TAFA4: variants seen among roughly 807,000 people sequenced by gnomAD.
The protein encoded by TAFA4 is chemokine-like protein TAFA-4.
Under a neutral mutation model 21.1 loss-of-function variants are expected in TAFA4, and 20 were observed. That is an observed-to-expected ratio of 0.95 (90% CI 0.67 to 1.38). The LOEUF (loss-of-function observed/expected upper bound fraction) is 1.38. TAFA4 is among the 40% of genes most tolerant of loss of function. The pLI is 0.00. For missense variants in TAFA4, 211 were observed against 180.9 expected (o/e 1.17, Z -0.95); for synonymous variants, 71 against 67.4 (o/e 1.05, Z -0.26).
intron 3 of TAFA4, among the ~76,000 whole-genome samples, chr3:68,777,621 G>A (rs1047933729): frequency 6.6e-6 from 1 of 151,904 alleles, no homozygotes; most frequent in Non-Finnish European, 1.5e-5. Context: ...TGGGAAAATA[G>A]AATCATAAAA....
chr3:68,805,705 AC>A (rs1288646893), intron 3 of TAFA4, among the ~76,000 whole-genome samples: 3 of 152,112 alleles, frequency 2.0e-5, no homozygotes, highest in Admixed American at 2.0e-4. Context: ...TATCACAAGG[AC>A]AAAAAACCAA....
At chr3:68,797,082 A>C (rs984718697) in intron 3 of TAFA4, among the ~76,000 whole-genome samples, 1 of 152,226 alleles carries the variant, frequency 6.6e-6, no homozygotes, top group Non-Finnish European at 1.5e-5. Context: ...TGTAGAAAAC[A>C]ATACGGCATT....
At chr3:68,786,208 G>A (rs563399552) in intron 3 of TAFA4, among the ~76,000 whole-genome samples, 27 of 152,224 alleles carry the variant, frequency 1.8e-4, no homozygotes, top group South Asian at 6.2e-4. Context: ...CAGGGCACAC[G>A]TTTATCTATA....
intron 3 of TAFA4, among the ~76,000 whole-genome samples, chr3:68,809,481 G>C (rs1275436132): frequency 6.7e-6 from 1 of 149,912 alleles, no homozygotes; most frequent in South Asian, 2.1e-4. Context: ...ATTTTAAATA[G>C]TGAAATCTAA....
intron 1 of TAFA4, among the ~76,000 whole-genome samples, chr3:68,890,740 C>T (rs918783492): frequency 6.6e-6 from 1 of 152,172 alleles, no homozygotes; most frequent in Non-Finnish European, 1.5e-5. Context: ...CCAAAAAATA[C>T]CAGTCCCTTT....
At chr3:68,807,127 A>T (rs1244809169) in intron 3 of TAFA4, among the ~76,000 whole-genome samples, 2 of 152,184 alleles carry the variant, frequency 1.3e-5, no homozygotes, top group South Asian at 2.1e-4. Context: ...GCCTCAGCTG[A>T]TCGGTCTAGG....
rs115263967 is a variant in TAFA4, at chr3:68,858,302, A to G, written c.130+22428T>C. Among the ~76,000 whole-genome samples, 895 of 152,276 alleles carry G rather than the reference A, an allele frequency of 5.9e-3. 8 individuals are homozygous for G. The highest frequency in any genetic ancestry group is 0.021 in the African/African-American group (860 of 41,556). On this transcript the variant is annotated intron_variant, in intron 3 of 5. Coordinates refer to ENST00000295569, the MANE Select transcript of TAFA4 (RefSeq NM_182522.5). ...AGTCTCTCTGCTATGAAAAACATCAAGAACAGAATAGTATCCATCAGCTTA... is the reference window on the plus strand; with the variant it reads ...AGTCTCTCTGCTATGAAAAACATCAGGAACAGAATAGTATCCATCAGCTTA...
chr3:68,782,648 G>C (rs1158055892), intron 3 of TAFA4, among the ~76,000 whole-genome samples: 1 of 152,036 alleles, frequency 6.6e-6, no homozygotes. Context: ...AGACAAAAAG[G>C]CCACATGTTG....
intron 4 of TAFA4, among the ~76,000 whole-genome samples, chr3:68,750,553 T>C (rs1358508474): frequency 6.6e-6 from 1 of 152,084 alleles, no homozygotes; most frequent in Non-Finnish European, 1.5e-5. Context: ...TACAGAAAAA[T>C]ATATTGACCA....
At chr3:68,782,970 G>C (rs1417852039) in intron 3 of TAFA4, among the ~76,000 whole-genome samples, 15 of 152,162 alleles carry the variant, frequency 9.9e-5, no homozygotes, top group Non-Finnish European at 1.0e-4. Context: ...GACCAAGTAA[G>C]GTTTATCCAA....
At chr3:68,752,377 T>C (rs1377854262) in intron 4 of TAFA4, among the ~76,000 whole-genome samples, 1 of 152,222 alleles carries the variant, frequency 6.6e-6, no homozygotes, top group Non-Finnish European at 1.5e-5. Context: ...AGATTACAAA[T>C]GAACGATACA....
rs577580966 is a variant in TAFA4, at chr3:68,800,105, G to C, written c.131-47087C>G. On this transcript the variant is annotated intron_variant, in intron 3 of 5. Transcript: ENST00000295569. ...TCTTACTGATTCTGCATTATGGTGA[G>C]TTGTATAATTATTTCATTATATATT... Among the ~76,000 whole-genome samples the C allele has an allele frequency of 1.1e-4, 17 of 152,222 alleles. No homozygotes were observed. In the East Asian group the frequency reaches 3.3e-3, roughly 29 times the overall value.
chr3:68,796,250 T>G (rs1467462986), intron 3 of TAFA4, among the ~76,000 whole-genome samples: 1 of 152,054 alleles, frequency 6.6e-6, no homozygotes, highest in African/African-American at 2.4e-5. Context: ...AAATGAAAAA[T>G]TAGTGACAAA....
At chr3:68,861,614 G>C (rs1298875972) in intron 3 of TAFA4, among the ~76,000 whole-genome samples, 2 of 152,018 alleles carry the variant, frequency 1.3e-5, no homozygotes, top group Non-Finnish European at 2.9e-5. Context: ...GCCTGTGCCA[G>C]AGGACACAGA....
At chr3:68,889,094 A>G (rs540612244) in intron 1 of TAFA4, among the ~76,000 whole-genome samples, 12 of 152,336 alleles carry the variant, frequency 7.9e-5, no homozygotes, top group Middle Eastern at 6.8e-3. Context: ...GTGTTTTTAA[A>G]GAGTCTCAGT....
At chr3:68,841,098 C>A (rs1448610011) in intron 3 of TAFA4, among the ~76,000 whole-genome samples, 1 of 73,140 alleles carries the variant, frequency 1.4e-5, no homozygotes. Flanking sequence ...CCGAGGCGGG[C>A]GGATCACGAG....
intron 1 of TAFA4, among the ~76,000 whole-genome samples, chr3:68,912,321 G>A (rs2089967611): frequency 6.6e-6 from 1 of 152,120 alleles, no homozygotes; most frequent in African/African-American, 2.4e-5. Context: ...TACATCAAAA[G>A]AAAGATTGGG....
chr3:68,747,262 A>T (rs1202938800), intron 4 of TAFA4, among the ~76,000 whole-genome samples: 1 of 142,556 alleles, frequency 7.0e-6, no homozygotes, highest in Non-Finnish European at 1.6e-5. Flanking sequence ...TCTCTCTCTC[A>T]AACACACACA....
chr3:68,819,253 G>C (rs1704058860), intron 3 of TAFA4, among the ~76,000 whole-genome samples: 1 of 133,538 alleles, frequency 7.5e-6, no homozygotes, highest in Non-Finnish European at 1.6e-5. Context: ...CTGGGTGACA[G>C]AGTGAGACCC....
Sources: allele counts gnomAD v4.1 joint callset (sites outside exome capture counted in the v4.1 genomes callset), GRCh38; gene constraint gnomAD v4.1.1; transcripts MANE v1.5; gene names NCBI Gene and HGNC (gene_info 2026-07-23, HGNC 2026-07-21).